The following GPR39 variants were observed in gnomAD, a reference collection of about 807,000 sequenced individuals.
GPR39 encodes the protein G protein-coupled receptor 39.
In GPR39, 23 loss-of-function variants were observed where a neutral mutation model predicts 18.4. That is an observed-to-expected ratio of 1.25 (90% CI 0.90 to 1.77). GPR39 has a LOEUF of 1.77. GPR39 is among the 40% of genes most tolerant of loss of function. The probability of loss-of-function intolerance (pLI) is 0.00; values close to 1 mark genes in which losing one functional copy is unlikely to be tolerated. For synonymous variants in GPR39, 280 were observed against 257.9 expected (o/e 1.09, Z -0.82); for missense variants, 647 against 602.4 (o/e 1.07, Z -0.78).
At chr2:132,490,749 T>C (rs1309056857) in intron 1 of GPR39, among the ~76,000 whole-genome samples, 1 of 151,904 alleles carries the variant, frequency 6.6e-6, no homozygotes, top group Non-Finnish European at 1.5e-5. Context: ...TTCAAGGGAC[T>C]GAGTGGGTTT....
At chr2:132,461,447 A>G (rs1680830056) in intron 1 of GPR39, among the ~76,000 whole-genome samples, 1 of 152,220 alleles carries the variant, frequency 6.6e-6, no homozygotes, top group Non-Finnish European at 1.5e-5. Flanking sequence ...TGTATTTTCA[A>G]TTTTGAAAGT....
intron 1 of GPR39, among the ~76,000 whole-genome samples, chr2:132,580,528 C>CA (rs887379773): frequency 3.3e-5 from 5 of 152,204 alleles, no homozygotes; most frequent in African/African-American, 1.2e-4. Context: ...ATGCTAATCA[C>CA]ACTTACTGGC....
chr2:132,503,223 T>G (rs192865925), intron 1 of GPR39, among the ~76,000 whole-genome samples: 6 of 152,308 alleles, frequency 3.9e-5, no homozygotes, highest in Middle Eastern at 3.4e-3. Flanking sequence ...GATCTTGGAT[T>G]CAAGGGCTGC....
chr2:132,576,283 C>G (rs1050440401), intron 1 of GPR39, among the ~76,000 whole-genome samples: 1 of 152,136 alleles, frequency 6.6e-6, no homozygotes, highest in African/African-American at 2.4e-5. Flanking sequence ...TTAACAGGGT[C>G]TATCACAGAG....
chr2:132,428,012 G>C (rs1043037715), intron 1 of GPR39, among the ~76,000 whole-genome samples: 93 of 149,570 alleles, frequency 6.2e-4, no homozygotes, highest in African/African-American at 2.3e-3. Context: ...GGTTTTCACT[G>C]TTTTTCAAGT....
intron 1 of GPR39, among the ~76,000 whole-genome samples, chr2:132,464,719 C>A (rs1173538993): frequency 2.0e-5 from 3 of 152,164 alleles, no homozygotes; most frequent in Non-Finnish European, 2.9e-5. Flanking sequence ...CCTCCTATGA[C>A]CCGGCAGTAT....
chr2:132,543,245 G>A (rs10166080), intron 1 of GPR39, among the ~76,000 whole-genome samples: 25,124 of 152,076 alleles, frequency 0.17, 2,151 homozygotes, highest in Middle Eastern at 0.24. Context: ...GGATTAAGGC[G>A]TGAATTCCTG....
intron 1 of GPR39, among the ~76,000 whole-genome samples, chr2:132,479,380 G>T (rs532092706): frequency 6.6e-6 from 1 of 152,310 alleles, no homozygotes; most frequent in East Asian, 1.9e-4. Context: ...AGGGGAGGTG[G>T]TATTTGAGCT....
intron 1 of GPR39, among the ~76,000 whole-genome samples, chr2:132,591,324 C>T (rs1381681332): frequency 6.8e-6 from 1 of 148,048 alleles, no homozygotes; most frequent in Non-Finnish European, 1.5e-5. Context: ...GCGGAGTCTT[C>T]TGGCCTCCAT....
At chr2:132,455,901 A>G (rs531046842) in intron 1 of GPR39, among the ~76,000 whole-genome samples, 2 of 152,152 alleles carry the variant, frequency 1.3e-5, no homozygotes, top group East Asian at 3.8e-4. Context: ...ACTTACAATT[A>G]TGTTGTCAGT....
At chr2:132,461,632 C>G (rs1253460404) in intron 1 of GPR39, among the ~76,000 whole-genome samples, 2 of 152,188 alleles carry the variant, frequency 1.3e-5, no homozygotes, top group Non-Finnish European at 2.9e-5. Flanking sequence ...CATACAATTT[C>G]ATTTCTTGCT....
At chr2:132,575,350 A>T (rs1270764252) in intron 1 of GPR39, among the ~76,000 whole-genome samples, 1 of 152,242 alleles carries the variant, frequency 6.6e-6, no homozygotes, top group Admixed American at 6.5e-5. Flanking sequence ...TTTAAGATAA[A>T]GGTAAATTCA....
At chr2:132,519,453 G>A (rs1414447427) in intron 1 of GPR39, among the ~76,000 whole-genome samples, 1 of 152,166 alleles carries the variant, frequency 6.6e-6, no homozygotes, top group Admixed American at 6.5e-5. Flanking sequence ...ATGTTCCTGA[G>A]GAAAGTGCAT....
chr2:132,516,162 G>A (rs1259385939), intron 1 of GPR39, among the ~76,000 whole-genome samples: 2 of 152,138 alleles, frequency 1.3e-5, no homozygotes, highest in Non-Finnish European at 2.9e-5. Flanking sequence ...TTTTGAGGGA[G>A]GGAAATTCTC....
At chr2:132,643,694 T>G (rs919328039) in intron 1 of GPR39, among the ~76,000 whole-genome samples, 8 of 152,198 alleles carry the variant, frequency 5.3e-5, no homozygotes, top group East Asian at 1.9e-4. Flanking sequence ...TAAGTTTTTC[T>G]TTTTTTGTAG....
rs1333537277 is a variant in GPR39 at position 132,417,408 on chromosome 2, G to T, written c.366G>T (p.Thr122=). Residue 122 remains threonine (T), a synonymous_variant, in exon 1 of 2, where the codon ACG becomes ACT. Coordinates refer to ENST00000329321, the MANE Select transcript of GPR39 (RefSeq NM_001508.3). ...TCTTCGAGGCCTGCAGCTACGCTAC[G>T]CTGCTGCACGTGCTGACACTCAGCT... The part of the protein sequence containing the change: ...TFLFEACSYA[T]LLHVLTLSFE... 6.2e-7 allele frequency: 1 copy of T among 1,614,162 alleles called. No individual in the cohort carries two copies. Among genetic ancestry groups the T allele is most frequent in the Admixed American group, 1.7e-5 (1 of 60,028 alleles).
chr2:132,619,427 C>A (rs1681395952), intron 1 of GPR39, among the ~76,000 whole-genome samples: 1 of 152,160 alleles, frequency 6.6e-6, no homozygotes, highest in South Asian at 2.1e-4. Context: ...ACCCCTTGAG[C>A]CTTCAGGGGC....
chr2:132,514,373 C>T (rs1209721957), intron 1 of GPR39, among the ~76,000 whole-genome samples: 1 of 152,230 alleles, frequency 6.6e-6, no homozygotes, highest in Non-Finnish European at 1.5e-5. Flanking sequence ...TGCTCCCACA[C>T]CAAGTTGGAC....
intron 1 of GPR39, among the ~76,000 whole-genome samples, chr2:132,504,450 G>A (rs1679099796): frequency 6.6e-6 from 1 of 152,186 alleles, no homozygotes. Flanking sequence ...TCTGGATAGT[G>A]ACTGCCTGTC....
Sources: gnomAD v4.1 joint callset for allele counts (sites outside exome capture counted in the v4.1 genomes callset) on GRCh38, gnomAD v4.1.1 for gene constraint, MANE v1.5 for transcripts, NCBI Gene and HGNC (gene_info 2026-07-23, HGNC 2026-07-21) for gene names.